The following SORCS2 variants were observed in gnomAD, a reference collection of about 807,000 sequenced individuals.
SORCS2 encodes VPS10 domain-containing receptor SorCS2.
A neutral mutation model predicts 141.6 loss-of-function variants in SORCS2; 100 were observed. That is an observed-to-expected ratio of 0.71 (90% CI 0.60 to 0.83). The LOEUF (loss-of-function observed/expected upper bound fraction) is 0.83, where lower values mean the gene tolerates loss of function less well. Ranked by LOEUF, SORCS2 falls within the 40% of genes least tolerant of loss-of-function variation. SORCS2 has a pLI of 0.00. For synonymous variants in SORCS2, 789 were observed against 676.9 expected, an observed-to-expected ratio of 1.17 and a Z score of -2.57; for missense variants, 1,646 against 1,560.2, an observed-to-expected ratio of 1.05 and a Z score of -0.93.
chr4:7,411,246 G>T (rs1049538139), intron 2 of SORCS2, among the ~76,000 whole-genome samples: 5 of 151,860 alleles, frequency 3.3e-5, no homozygotes, highest in South Asian at 2.1e-4. Flanking sequence ...GAGCCACTGC[G>T]CCTGGCCTCT....
chr4:7,642,332 C>T (rs1296490612), intron 4 of SORCS2, among the ~76,000 whole-genome samples: 1 of 152,208 alleles, frequency 6.6e-6, no homozygotes, highest in African/African-American at 2.4e-5. Context: ...AGCACAATCA[C>T]GGAGACTTAT....
chr4:7,635,454 C>T (rs1028197947), intron 3 of SORCS2, among the ~76,000 whole-genome samples: 2 of 152,182 alleles, frequency 1.3e-5, no homozygotes, highest in Non-Finnish European at 2.9e-5. Context: ...TCTTACGTCC[C>T]GCCAAGCTGC....
At chr4:7,243,177 G>T (rs903907473) in intron 1 of SORCS2, among the ~76,000 whole-genome samples, 1 of 152,216 alleles carries the variant, frequency 6.6e-6, no homozygotes, top group African/African-American at 2.4e-5. Context: ...TAGTTGTCAC[G>T]TGGGATGTTC....
intron 1 of SORCS2, among the ~76,000 whole-genome samples, chr4:7,293,494 G>A (rs977126337): frequency 3.9e-5 from 6 of 152,156 alleles, no homozygotes; most frequent in African/African-American, 1.4e-4. Flanking sequence ...TCCCTCTGCT[G>A]TTGGTTATTT....
At chr4:7,263,993 A>G (rs1028376877) in intron 1 of SORCS2, among the ~76,000 whole-genome samples, 1 of 151,912 alleles carries the variant, frequency 6.6e-6, no homozygotes, top group Non-Finnish European at 1.5e-5. Context: ...CTCTCCTCAC[A>G]TGTCCTGAGG....
At chr4:7,576,366 C>T (rs925376916) in intron 3 of SORCS2, among the ~76,000 whole-genome samples, 2 of 152,098 alleles carry the variant, frequency 1.3e-5, no homozygotes, top group Admixed American at 6.5e-5. Flanking sequence ...AGACCATTTT[C>T]AAAAATGAGC....
chr4:7,677,362 G>C (rs1723233121), intron 9 of SORCS2, among the ~76,000 whole-genome samples: 1 of 152,262 alleles, frequency 6.6e-6, no homozygotes, highest in Non-Finnish European at 1.5e-5. Context: ...GCCATGGCCA[G>C]CGAGGGGGGC....
Position 7,740,768 on chromosome 4 carries a change from A to G in SORCS2, c.*504A>G, listed in dbSNP as rs901225706. 35 of 334,966 alleles carry G rather than the reference A, an allele frequency of 1.0e-4. No homozygotes were observed. The highest frequency in any genetic ancestry group is 3.2e-5 in the Non-Finnish European group (6 of 185,846). The allele number at this position is 334,966 out of a possible 1,614,324, so 20.7% of individuals were successfully genotyped here. A position where few individuals can be genotyped will look rare whatever the true frequency, so the allele number is the denominator to read the frequency against. Reference sequence around the variant, plus strand: ...AGCCCGGGTGCCAGGCCCTCCCAACACCACACCACCCTCCAGGCCCCCCTG... The same window carrying G: ...AGCCCGGGTGCCAGGCCCTCCCAACGCCACACCACCCTCCAGGCCCCCCTG... On this transcript the variant is annotated 3_prime_UTR_variant, in exon 27 of 27. Coordinates refer to ENST00000507866, the MANE Select transcript of SORCS2 (RefSeq NM_020777.3).
intron 2 of SORCS2, chr4:7,460,085 G>A (rs1729197737): frequency 1.5e-5 from 1 of 64,976 alleles, no homozygotes; most frequent in Non-Finnish European, 3.2e-5. Flanking sequence ...ACCTTGTCAG[G>A]TGACCCAGCA....
intron 3 of SORCS2, among the ~76,000 whole-genome samples, chr4:7,541,910 G>A (rs752073378): frequency 1.3e-5 from 2 of 152,320 alleles, no homozygotes; most frequent in Middle Eastern, 3.4e-3. Context: ...AGGTCTAAGC[G>A]TGGCCAGCAG....
chr4:7,579,985 A>G (rs1716036575), intron 3 of SORCS2, among the ~76,000 whole-genome samples: 1 of 152,130 alleles, frequency 6.6e-6, no homozygotes, highest in East Asian at 1.9e-4. Context: ...ATAGGCAAGG[A>G]AGTGGGGACA....
At chr4:7,389,259 G>C (rs1577486947) in intron 1 of SORCS2, among the ~76,000 whole-genome samples, 1 of 152,368 alleles carries the variant, frequency 6.6e-6, no homozygotes. Flanking sequence ...TTTAAGAACA[G>C]CTCCAGTTGG....
intron 1 of SORCS2, among the ~76,000 whole-genome samples, chr4:7,259,322 A>ATG: frequency 6.6e-6 from 1 of 152,302 alleles, no homozygotes; most frequent in East Asian, 1.9e-4. Flanking sequence ...GTTCAATTCC[A>ATG]TGACTGGGGG....
intron 1 of SORCS2, among the ~76,000 whole-genome samples, chr4:7,332,415 C>T (rs1283835593): frequency 6.6e-6 from 1 of 152,220 alleles, no homozygotes; most frequent in Non-Finnish European, 1.5e-5. Flanking sequence ...TGGTGGCCCA[C>T]AGCCAGCTCC....
chr4:7,216,282 G>A (rs1457877468), intron 1 of SORCS2, among the ~76,000 whole-genome samples: 6 of 152,152 alleles, frequency 3.9e-5, no homozygotes, highest in Non-Finnish European at 7.3e-5. Flanking sequence ...TGCCTTGTAT[G>A]TGGGAATGGT....
chr4:7,212,191 C>G (rs148152091), intron 1 of SORCS2, among the ~76,000 whole-genome samples: 83 of 152,324 alleles, frequency 5.4e-4, no homozygotes, highest in African/African-American at 1.9e-3. Flanking sequence ...TGGGGTTCTC[C>G]TCTCTTCCCA....
intron 2 of SORCS2, among the ~76,000 whole-genome samples, chr4:7,483,656 C>T (rs1306491260): frequency 3.3e-5 from 5 of 151,918 alleles, no homozygotes; most frequent in African/African-American, 1.2e-4. Flanking sequence ...GCCCACGTGT[C>T]TTCCAAGGGG....
At position 7,623,506 on chromosome 4, in the gene SORCS2, C is replaced by A. The variant is rs530434661; in HGVS notation, c.649-14822C>A. ...GAAAGTACCAGGTGTCTTTGGTTCA[C>A]TGTTTTTCCCCCAATGCCCAAGGTA... On this transcript the variant is annotated intron_variant, in intron 3 of 26. Transcript: ENST00000507866. 1.1e-4 allele frequency among the ~76,000 whole-genome samples: 17 copies of A among 152,304 alleles called. No individual in the cohort carries two copies. In the South Asian group the frequency reaches 3.3e-3, roughly 30 times the overall value.
chr4:7,514,981 C>A (rs1445299273), intron 2 of SORCS2, among the ~76,000 whole-genome samples: 1 of 152,170 alleles, frequency 6.6e-6, no homozygotes, highest in East Asian at 1.9e-4. Context: ...CAGGGGCCAG[C>A]CAGCCTTTGG....
Sources: gnomAD v4.1 joint callset for allele counts (sites outside exome capture counted in the v4.1 genomes callset) on GRCh38, gnomAD v4.1.1 for gene constraint, MANE v1.5 for transcripts, NCBI Gene and HGNC (gene_info 2026-07-23, HGNC 2026-07-21) for gene names.